The following SNX30 variants were observed in gnomAD, a reference collection of about 807,000 sequenced individuals.
The protein encoded by SNX30 is sorting nexin family member 30.
SNX30 carries 24 observed loss-of-function variants against 46.4 expected under a neutral mutation model. The ratio of observed to expected loss-of-function variants is 0.52; its 90% CI spans 0.37 to 0.73. The LOEUF (loss-of-function observed/expected upper bound fraction) is 0.73, where lower values mean the gene tolerates loss of function less well. Ranked by LOEUF, SNX30 falls within the 30% of genes least tolerant of loss-of-function variation. SNX30 has a pLI of 0.00. For synonymous variants in SNX30, 189 were observed against 211.5 expected (o/e 0.89, Z 0.92); for missense variants, 533 against 555.7 (o/e 0.96, Z 0.41).
chr9:112,804,922 T>C lies in SNX30; in HGVS notation c.303T>C (p.His101=). 1.9e-6 allele frequency: 3 copies of C among 1,613,772 alleles called. No homozygotes were observed. Among genetic ancestry groups the C allele is most frequent in the African/African-American group, 1.3e-5 (1 of 75,016 alleles). The change falls in exon 2 of 9, where the codon CAT becomes CAC. Residue 101 remains histidine (H), a synonymous_variant. Transcript: ENST00000374232. The part of the protein sequence containing the change: ...LFVIVDDPKK[H]VCTMETYITY... ...TTATAGTTGATGATCCCAAGAAGCA[T>C]GTGTGTACAATGGAGACTTACATCA...
intron 1 of SNX30, among the ~76,000 whole-genome samples, chr9:112,795,537 G>A (rs1014661838): frequency 2.0e-5 from 3 of 152,112 alleles, no homozygotes; most frequent in African/African-American, 7.2e-5. Flanking sequence ...AGAATCTGGA[G>A]TATGTGGCAA....
At chr9:112,846,898 C>T (rs1840946929) in intron 6 of SNX30, among the ~76,000 whole-genome samples, 1 of 152,172 alleles carries the variant, frequency 6.6e-6, no homozygotes, top group South Asian at 2.1e-4. Context: ...TTTGTGAGCC[C>T]ACAGCCTTGC....
At chr9:112,809,246 T>C (rs1840278835) in intron 2 of SNX30, among the ~76,000 whole-genome samples, 1 of 152,048 alleles carries the variant, frequency 6.6e-6, no homozygotes. Flanking sequence ...GCCTGGCTAA[T>C]TTTTTGTATT....
chr9:112,782,654 A>G (rs974568310), intron 1 of SNX30, among the ~76,000 whole-genome samples: 1 of 134,016 alleles, frequency 7.5e-6, no homozygotes, highest in African/African-American at 2.8e-5. Flanking sequence ...TTCTGTCTTC[A>G]CTCTTTGAAG....
chr9:112,759,114 C>T (rs1337940669), intron 1 of SNX30, among the ~76,000 whole-genome samples: 5 of 152,200 alleles, frequency 3.3e-5, no homozygotes, highest in Non-Finnish European at 5.9e-5. Flanking sequence ...GATCTTCCTG[C>T]CTCAACTTCC....
intron 2 of SNX30, among the ~76,000 whole-genome samples, chr9:112,814,329 C>T (rs899086865): frequency 2.0e-5 from 3 of 152,204 alleles, no homozygotes; most frequent in Admixed American, 6.5e-5. Flanking sequence ...TAACCTCTGC[C>T]TCCCAGGCTC....
intron 1 of SNX30, among the ~76,000 whole-genome samples, chr9:112,782,540 T>C (rs1306514807): frequency 6.6e-6 from 1 of 152,236 alleles, no homozygotes; most frequent in African/African-American, 2.4e-5. Context: ...TACTCATTTT[T>C]TTAACCTTTA....
At chr9:112,830,994 C>T (rs999916060) in intron 4 of SNX30, 111 bp downstream of exon 4, 13 of 1,142,490 alleles carry the variant, frequency 1.1e-5, no homozygotes, top group South Asian at 1.6e-5. Flanking sequence ...AACAAATAGC[C>T]GAGTGTGATG....
chr9:112,835,956 C>T (rs1840744341), intron 4 of SNX30, among the ~76,000 whole-genome samples: 11 of 152,108 alleles, frequency 7.2e-5, no homozygotes, highest in Admixed American at 7.2e-4. Context: ...GCAGTGTGCT[C>T]AGGTGAGTGA....
At chr9:112,792,882 C>CTT (rs11447466) in intron 1 of SNX30, among the ~76,000 whole-genome samples, 1,769 of 146,712 alleles carry the variant, frequency 0.012, 27 homozygotes, top group African/African-American at 0.039. Context: ...TTTCTTTAGG[C>CTT]TTTTTTTTTT....
Position 112,850,939 on chromosome 9 carries a change from C to T in SNX30, c.1095C>T (p.Arg365=), listed in dbSNP as rs1405567329. 6.2e-7 allele frequency: 1 copy of T among 1,613,910 alleles called. No individual in the cohort carries two copies. The highest frequency in any genetic ancestry group is 1.3e-5 in the African/African-American group (1 of 75,036). Residue 365 remains arginine, a synonymous_variant, in exon 7 of 9, where the codon CGC becomes CGT. Coordinates refer to ENST00000374232, the MANE Select transcript of SNX30 (RefSeq NM_001012994.2). ...LEAVALRKED[R]PKVPADVEKC... ...CTGTGGCTCTGCGGAAGGAAGACCGCCCCAAGGTCAGGGAAGCCACCTGGG... is the reference window on the plus strand; with the variant it reads ...CTGTGGCTCTGCGGAAGGAAGACCGTCCCAAGGTCAGGGAAGCCACCTGGG...
chr9:112,828,391 G>A (rs1247369011), intron 3 of SNX30, among the ~76,000 whole-genome samples: 2 of 152,088 alleles, frequency 1.3e-5, no homozygotes, highest in Non-Finnish European at 2.9e-5. Context: ...TGTAGTAGCC[G>A]CACCATCTAG....
chr9:112,864,556 G>A (rs1386044145), intron 8 of SNX30, among the ~76,000 whole-genome samples, 157 bp downstream of exon 8: 2 of 152,154 alleles, frequency 1.3e-5, no homozygotes, highest in Non-Finnish European at 2.9e-5. Flanking sequence ...GCCCAACCAT[G>A]TGGCTGCAGT....
intron 1 of SNX30, among the ~76,000 whole-genome samples, chr9:112,775,154 CTTTTTTT>C (rs1167634002): frequency 1.8e-5 from 2 of 113,916 alleles, no homozygotes; most frequent in Non-Finnish European, 3.7e-5. Flanking sequence ...TTTTTTCTTT[CTTTTTTT>C]TTTTTTTTTT....
In SNX30 at chr9:112,830,872, C is replaced by T; in HGVS notation, c.607C>T (p.Leu203Phe). The change falls in exon 4 of 9, where the codon CTT (leucine) becomes TTT (phenylalanine). Residue 203 changes from leucine (L) to phenylalanine (F), a missense_variant. Leu to Phe is a conservative substitution (Grantham distance 22, BLOSUM62 0). Around this residue, in one of 3 missense-constraint regions of SNX30, gnomAD observed 81 missense variants for 124.4 expected, o/e 0.65. Transcript: ENST00000374232. ...TTTCAATGAACACTTTAATATTTTC[C>T]TTACTGCTAAGGTAAGGGCAGAAAT... ...LSFNEHFNIF[L>F]TAKDLNAYKK... 1 of 1,610,514 alleles carries T rather than the reference C, an allele frequency of 6.2e-7. No individual in the cohort carries two copies. Among genetic ancestry groups the T allele is most frequent in the Non-Finnish European group, 8.5e-7 (1 of 1,178,938 alleles).
intron 7 of SNX30, among the ~76,000 whole-genome samples, chr9:112,857,419 A>AG (rs1383694567): frequency 6.6e-6 from 1 of 152,110 alleles, no homozygotes; most frequent in Non-Finnish European, 1.5e-5. Context: ...TGGAAGCTGG[A>AG]GGTGACCAGC....
At chr9:112,826,982 G>C (rs1840587876) in intron 3 of SNX30, among the ~76,000 whole-genome samples, 1 of 152,194 alleles carries the variant, frequency 6.6e-6, no homozygotes, top group African/African-American at 2.4e-5. Flanking sequence ...ACGTGGACAT[G>C]TTATCCTTGT....
At chr9:112,804,251 G>A (rs1286764512) in intron 1 of SNX30, among the ~76,000 whole-genome samples, 4 of 152,006 alleles carry the variant, frequency 2.6e-5, no homozygotes, top group East Asian at 3.9e-4. Context: ...TGCAACCTCC[G>A]CCTCCCAGGT....
At chr9:112,752,751 TA>T in intron 1 of SNX30, among the ~76,000 whole-genome samples, 1 of 152,346 alleles carries the variant, frequency 6.6e-6, no homozygotes, top group East Asian at 1.9e-4. Flanking sequence ...TGTAGCAAAT[TA>T]CCCCAAAACT....
Sources: allele counts gnomAD v4.1 joint callset (sites outside exome capture counted in the v4.1 genomes callset), GRCh38; gene constraint gnomAD v4.1.1; regional missense constraint gnomAD v4.1.1; transcripts MANE v1.5; gene names NCBI Gene and HGNC (gene_info 2026-07-23, HGNC 2026-07-21).